ZMYM1: variants seen among roughly 807,000 people sequenced by gnomAD.
The protein encoded by ZMYM1 is zinc finger MYM-type protein 1.
Under a neutral mutation model 60.0 loss-of-function variants are expected in ZMYM1, and 39 were observed. The ratio of observed to expected loss-of-function variants is 0.65; its 90% CI spans 0.50 to 0.85. ZMYM1 has a LOEUF of 0.85. ZMYM1 is among the 40% of genes least tolerant of loss of function. The pLI, the probability that ZMYM1 is intolerant of heterozygous loss-of-function variation, is 0.00. For synonymous variants in ZMYM1, 413 were observed against 454.0 expected, an observed-to-expected ratio of 0.91 and a Z score of 1.15; for missense variants, 1,171 against 1,309.5, an observed-to-expected ratio of 0.89 and a Z score of 1.63.
intron 2 of ZMYM1, 32 bp from the exon 3 acceptor site, chr1:35,095,787 A>G: frequency 1.4e-6 from 2 of 1,480,528 alleles, no homozygotes; most frequent in Non-Finnish European, 1.8e-6. Context: ...TGTATTCACT[A>G]TTTTTAATTA....
chr1:35,084,353 T>G (rs892041709), intron 1 of ZMYM1, among the ~76,000 whole-genome samples: 1 of 152,202 alleles, frequency 6.6e-6, no homozygotes, highest in East Asian at 1.9e-4. Flanking sequence ...AAAATTCCTC[T>G]TAGTCCATAA....
chr1:35,061,465 T>TACATAGATAGATAGAA (rs1641874002), intron 1 of ZMYM1, among the ~76,000 whole-genome samples: 1 of 152,098 alleles, frequency 6.6e-6, no homozygotes, highest in Admixed American at 6.6e-5. Context: ...GATAGATAGA[T>TACATAGATAGATAGAA]ACATAGATAG....
intron 1 of ZMYM1, among the ~76,000 whole-genome samples, chr1:35,073,783 G>A (rs1028439072): frequency 6.6e-6 from 1 of 151,982 alleles, no homozygotes; most frequent in Non-Finnish European, 1.5e-5. Context: ...TGCTTTTCCT[G>A]TGTCCCTATG....
At chr1:35,101,978 A>G (rs1310700064) in intron 4 of ZMYM1, among the ~76,000 whole-genome samples, 1 of 152,232 alleles carries the variant, frequency 6.6e-6, no homozygotes, top group African/African-American at 2.4e-5. Flanking sequence ...ATCAAAAATT[A>G]AATGACATTT....
At chr1:35,104,980 C>G (rs186804656) in intron 6 of ZMYM1, among the ~76,000 whole-genome samples, 1 of 152,094 alleles carries the variant, frequency 6.6e-6, no homozygotes, top group Admixed American at 6.6e-5. Context: ...GATCGATTAT[C>G]TCACCTTAAA....
At position 35,104,357 on chromosome 1, in the gene ZMYM1, C is replaced by G; in HGVS notation, c.482C>G (p.Thr161Ser). 6.2e-7 allele frequency: 1 copy of G among 1,612,464 alleles called. No homozygotes were observed. The highest frequency in any genetic ancestry group is 8.5e-7 in the Non-Finnish European group (1 of 1,179,544). Residue 161 changes from threonine to serine, a missense_variant, in exon 5 of 10, where the codon ACT becomes AGT. Thr to Ser is a moderately conservative substitution (Grantham distance 58). Transcript: ENST00000359858. ...CTGGAAGACACTACCTCTTGCAAAACTTTTTGCAGCCTATCTTGTCTTTCA... is the reference window on the plus strand; with the variant it reads ...CTGGAAGACACTACCTCTTGCAAAAGTTTTTGCAGCCTATCTTGTCTTTCA... ...VQLEDTTSCK[T>S]FCSLSCLSSY...
In ZMYM1 at chr1:35,114,077, T is replaced by G. The variant is rs76780838; in HGVS notation, c.2247T>G (p.Phe749Leu). ...TATACATACATTGTTATGCACACTTTTTGGATTTATCAATAATTAGGTTTT... is the reference window on the plus strand; with the variant it reads ...TATACATACATTGTTATGCACACTTGTTGGATTTATCAATAATTAGGTTTT... ...RALYIHCYAHFLDLSIIRFCK... is the reference protein window; with the variant it reads ...RALYIHCYAHLLDLSIIRFCK... The change falls in exon 10 of 10, where the codon TTT (phenylalanine) becomes TTG (leucine). Residue 749 changes from phenylalanine to leucine, a missense_variant. Coordinates refer to ENST00000359858, the MANE Select transcript of ZMYM1 (RefSeq NM_024772.5). The G allele has an allele frequency of 1.0e-3, 1,666 of 1,612,190 alleles. 14 individuals carry two copies. In the African/African-American group the frequency reaches 0.019, roughly 19 times the overall value.
intron 2 of ZMYM1, 119 bp from the exon 3 acceptor site, chr1:35,095,700 T>G: frequency 1.2e-6 from 1 of 806,180 alleles, no homozygotes; most frequent in Non-Finnish European, 1.9e-6. Context: ...TTGGTTCAAT[T>G]CAGTTATACA....
chr1:35,088,239 G>A (rs924064094), intron 1 of ZMYM1, among the ~76,000 whole-genome samples: 22 of 151,810 alleles, frequency 1.4e-4, no homozygotes, highest in African/African-American at 4.6e-4. Context: ...CCAACATGGT[G>A]AAAACCCGTC....
chr1:35,095,590 A>G (rs749962804), intron 2 of ZMYM1, among the ~76,000 whole-genome samples: 4 of 152,116 alleles, frequency 2.6e-5, no homozygotes, highest in Non-Finnish European at 4.4e-5. Flanking sequence ...TTGTTGACAA[A>G]GATTTTGATG....
At chr1:35,080,300 A>G (rs1029206164) in intron 1 of ZMYM1, among the ~76,000 whole-genome samples, 1 of 147,698 alleles carries the variant, frequency 6.8e-6, no homozygotes, top group African/African-American at 2.5e-5. Context: ...TCTAGTTCCC[A>G]TATATTTGTG....
chr1:35,089,858 G>A (rs1323408315), intron 1 of ZMYM1, among the ~76,000 whole-genome samples: 1 of 138,128 alleles, frequency 7.2e-6, no homozygotes, highest in Admixed American at 8.3e-5. Context: ...CCATTCTCCT[G>A]CCTCAGCCTC....
intron 1 of ZMYM1, among the ~76,000 whole-genome samples, chr1:35,069,328 T>C (rs1642029550): frequency 6.6e-6 from 1 of 152,238 alleles, no homozygotes; most frequent in African/African-American, 2.4e-5. Context: ...TTGATTTGCA[T>C]TTCCCTGATA....
intron 1 of ZMYM1, among the ~76,000 whole-genome samples, chr1:35,084,517 G>C (rs1642557072): frequency 6.6e-6 from 1 of 152,182 alleles, no homozygotes; most frequent in South Asian, 2.1e-4. Context: ...GTTAAGACTG[G>C]TCTATTTCAG....
At chr1:35,087,456 C>T (rs1428811930) in intron 1 of ZMYM1, among the ~76,000 whole-genome samples, 6 of 148,016 alleles carry the variant, frequency 4.1e-5, no homozygotes, top group East Asian at 2.0e-4. Flanking sequence ...GATGGAGTTT[C>T]GCTCTTCTTG....
chr1:35,078,232 T>C (rs924816250), upstream of ZMYM1, among the ~76,000 whole-genome samples: 2 of 152,194 alleles, frequency 1.3e-5, no homozygotes, highest in Non-Finnish European at 2.9e-5. Flanking sequence ...TATATTAGAT[T>C]TGAGGCTAAT....
At chr1:35,064,093 A>C (rs1641924084) in intron 1 of ZMYM1, among the ~76,000 whole-genome samples, 1 of 152,118 alleles carries the variant, frequency 6.6e-6, no homozygotes, top group South Asian at 2.1e-4. Flanking sequence ...TGGGAGGCCG[A>C]GGCTGGTGGA....
intron 1 of ZMYM1, among the ~76,000 whole-genome samples, chr1:35,088,195 G>A (rs1175993907): frequency 2.0e-5 from 3 of 151,442 alleles, no homozygotes; most frequent in Non-Finnish European, 4.4e-5. Flanking sequence ...CGAGGCAGGC[G>A]GATCACAAGG....
chr1:35,089,871 G>A (rs1642894900), intron 1 of ZMYM1, among the ~76,000 whole-genome samples: 3 of 142,028 alleles, frequency 2.1e-5, no homozygotes, highest in Non-Finnish European at 4.6e-5. Flanking sequence ...TCAGCCTCCC[G>A]AGTAGCTGGG....
Sources: gnomAD v4.1 joint callset for allele counts (sites outside exome capture counted in the v4.1 genomes callset) on GRCh38, gnomAD v4.1.1 for gene constraint, MANE v1.5 for transcripts, NCBI Gene and HGNC (gene_info 2026-07-23, HGNC 2026-07-21) for gene names.